TBC1D4: variants seen among roughly 807,000 people sequenced by gnomAD.
TBC1D4 encodes TBC1 domain family member 4, also known as TBC (Tre-2, BUB2, CDC16) domain-containing protein.
Under a neutral mutation model 142.5 loss-of-function variants are expected in TBC1D4, and 121 were observed. The ratio of observed to expected loss-of-function variants is 0.85; its 90% CI spans 0.73 to 0.99. The LOEUF (loss-of-function observed/expected upper bound fraction) is 0.99. TBC1D4 is among the 50% of genes least tolerant of loss of function. The probability of loss-of-function intolerance (pLI) is 0.00; values close to 1 mark genes in which losing one functional copy is unlikely to be tolerated. For missense variants in TBC1D4, 1,475 were observed against 1,606.6 expected (o/e 0.92, Z 1.40); for synonymous variants, 630 against 628.2 (o/e 1.00, Z -0.04).
At chr13:75,368,734 T>A (rs544222606) in intron 1 of TBC1D4, among the ~76,000 whole-genome samples, 1 of 152,174 alleles carries the variant, frequency 6.6e-6, no homozygotes, top group South Asian at 2.1e-4. Context: ...ATCTGGGGAA[T>A]CATGATTTGA....
intron 14 of TBC1D4, among the ~76,000 whole-genome samples, chr13:75,309,548 A>C (rs1566363019): frequency 2.0e-5 from 3 of 152,184 alleles, no homozygotes; most frequent in Non-Finnish European, 4.4e-5. Flanking sequence ...CTTGAAAATC[A>C]CATTCAAAGA....
chr13:75,330,798 T>C (rs185527106), intron 8 of TBC1D4, among the ~76,000 whole-genome samples: 3 of 152,354 alleles, frequency 2.0e-5, no homozygotes, highest in Admixed American at 1.3e-4. Flanking sequence ...TATGTTATAA[T>C]TGGCATCCTT....
intron 1 of TBC1D4, among the ~76,000 whole-genome samples, chr13:75,444,451 A>G (rs751566325): frequency 2.0e-5 from 3 of 152,216 alleles, no homozygotes; most frequent in Non-Finnish European, 4.4e-5. Flanking sequence ...AGAAAATTAA[A>G]TGCTGTGATC....
intron 13 of TBC1D4, among the ~76,000 whole-genome samples, chr13:75,312,005 C>A (rs563663798): frequency 6.6e-6 from 1 of 152,072 alleles, no homozygotes; most frequent in Non-Finnish European, 1.5e-5. Context: ...ATTAATTTAT[C>A]GATTTCACTC....
At chr13:75,289,180 G>T in intron 19 of TBC1D4, 70 bp from the exon 20 acceptor site, 1 of 1,547,628 alleles carries the variant, frequency 6.5e-7, no homozygotes, top group Non-Finnish European at 8.9e-7. Context: ...GTTTATCTTG[G>T]TATATTTCAT....
chr13:75,373,919 C>T (rs138414079), intron 1 of TBC1D4, among the ~76,000 whole-genome samples: 47 of 152,234 alleles, frequency 3.1e-4, no homozygotes, highest in African/African-American at 1.0e-3. Context: ...TGATGGTTTA[C>T]GTGACCCAAA....
intron 3 of TBC1D4, among the ~76,000 whole-genome samples, chr13:75,356,542 T>C (rs560799764): frequency 2.4e-4 from 37 of 152,348 alleles, no homozygotes; most frequent in African/African-American, 8.4e-4. Flanking sequence ...AATAAAATGC[T>C]ACTCCATGTC....
chr13:75,384,103 AATAAT>A (rs764024839), intron 1 of TBC1D4, among the ~76,000 whole-genome samples: 1 of 150,310 alleles, frequency 6.7e-6, no homozygotes, highest in East Asian at 1.9e-4. Flanking sequence ...AATAAAAAAA[AATAAT>A]AATAATAATG....
At chr13:75,371,883 A>G (rs1428188212) in intron 1 of TBC1D4, among the ~76,000 whole-genome samples, 1 of 152,188 alleles carries the variant, frequency 6.6e-6, no homozygotes, top group Admixed American at 6.5e-5. Context: ...AAAATACTCT[A>G]TTGTGTACCT....
At chr13:75,321,441 GTA>G (rs57754032) in intron 11 of TBC1D4, among the ~76,000 whole-genome samples, 1 of 151,242 alleles carries the variant, frequency 6.6e-6, no homozygotes, top group South Asian at 2.1e-4. Context: ...GCATATATAT[GTA>G]TATATATATG....
Position 75,310,104 on chromosome 13 carries a change from T to A in TBC1D4, c.2431A>T (p.Thr811Ser), listed in dbSNP as rs1453289417. 6.2e-7 allele frequency: 1 copy of A among 1,614,044 alleles called. No homozygotes were observed. Among genetic ancestry groups the A allele is most frequent in the Non-Finnish European group, 8.5e-7 (1 of 1,179,968 alleles). ...ELLPLSPLSP[T>S]MEEEPLVVFL... Reference sequence around the variant, plus strand: ...ACAACCAGCGGTTCCTCCTCCATGGTTGGAGAGAGGGGGGACAGTGGCAGC... The same window carrying A: ...ACAACCAGCGGTTCCTCCTCCATGGATGGAGAGAGGGGGGACAGTGGCAGC... The change falls in exon 14 of 21, where the codon ACC becomes TCC. Residue 811 changes from threonine (T) to serine (S), a missense_variant. Coordinates refer to ENST00000377636, the MANE Select transcript of TBC1D4 (RefSeq NM_014832.5).
In TBC1D4 at chr13:75,425,526, T is replaced by C. The variant is rs559913840; in HGVS notation, c.498+55744A>G. ...AAAGGTATCTATACTATCATGTCCA[T>C]TGCATCATTATTCACAATAGCCAAG... On this transcript the variant is annotated intron_variant, in intron 1 of 20. Transcript: ENST00000377636. Among the ~76,000 whole-genome samples, 22 of 152,320 alleles carry C rather than the reference T, an allele frequency of 1.4e-4. 1 individual carries two copies. The South Asian group carries it at 4.4e-3, about 30-fold the overall frequency.
chr13:75,475,126 C>G (rs1368893265), intron 1 of TBC1D4, among the ~76,000 whole-genome samples: 1 of 152,228 alleles, frequency 6.6e-6, no homozygotes, highest in Non-Finnish European at 1.5e-5. Context: ...GCTACTCAGA[C>G]AAACTTGACA....
intron 1 of TBC1D4, among the ~76,000 whole-genome samples, chr13:75,437,659 G>T (rs746118922): frequency 6.6e-6 from 1 of 151,598 alleles, no homozygotes; most frequent in East Asian, 1.9e-4. Context: ...CCGATATACA[G>T]TTTTTCAGAT....
intron 1 of TBC1D4, among the ~76,000 whole-genome samples, chr13:75,363,869 T>G (rs1485887576): frequency 6.6e-6 from 1 of 152,248 alleles, no homozygotes; most frequent in Admixed American, 6.5e-5. Flanking sequence ...AACCAAAAAG[T>G]ATCTGAGACA....
chr13:75,446,397 C>T (rs1887287418), intron 1 of TBC1D4, among the ~76,000 whole-genome samples: 1 of 152,122 alleles, frequency 6.6e-6, no homozygotes. Context: ...TTTATTTGTG[C>T]TGTGCTTCTT....
intron 9 of TBC1D4, among the ~76,000 whole-genome samples, chr13:75,327,011 A>T (rs1660072646): frequency 6.6e-6 from 1 of 152,212 alleles, no homozygotes; most frequent in African/African-American, 2.4e-5. Flanking sequence ...CCTGAGGTAA[A>T]TTTCTTTTAA....
chr13:75,438,527 T>C (rs1045342624), intron 1 of TBC1D4, among the ~76,000 whole-genome samples: 2 of 152,190 alleles, frequency 1.3e-5, no homozygotes, highest in African/African-American at 2.4e-5. Context: ...TTTTAGAAAG[T>C]CTAGCCAGCA....
In TBC1D4 at chr13:75,364,599, A is replaced by C. The variant is rs151188447; in HGVS notation, c.499-1992T>G. ...ACTGCCTTAGTATGTGATTTACCTT[A>C]CCTGGCAAGGGCCAAAGCTATGGAG... On this transcript the variant is annotated intron_variant, in intron 1 of 20. Coordinates refer to ENST00000377636, the MANE Select transcript of TBC1D4 (RefSeq NM_014832.5). 3.3e-5 allele frequency among the ~76,000 whole-genome samples: 5 copies of C among 152,346 alleles called. No individual in the cohort carries two copies. The East Asian group carries it at 9.7e-4, about 29-fold the overall frequency.
Sources: gnomAD v4.1 joint callset for allele counts (sites outside exome capture counted in the v4.1 genomes callset) on GRCh38, gnomAD v4.1.1 for gene constraint, MANE v1.5 for transcripts, NCBI Gene and HGNC (gene_info 2026-07-23, HGNC 2026-07-21) for gene names.